The following VCL variants were observed in gnomAD, a reference collection of about 807,000 sequenced individuals.
VCL encodes epididymis luminal protein 114.
A neutral mutation model predicts 125.7 loss-of-function variants in VCL; 47 were observed. The ratio of observed to expected loss-of-function variants is 0.37; its 90% CI spans 0.30 to 0.48. The LOEUF (loss-of-function observed/expected upper bound fraction) is 0.48. Ranked by LOEUF, VCL falls within the 20% of genes least tolerant of loss-of-function variation. The pLI, the probability that VCL is intolerant of heterozygous loss-of-function variation, is 0.99. For synonymous variants in VCL, 458 were observed against 514.6 expected, an observed-to-expected ratio of 0.89 and a Z score of 1.49; for missense variants, 1,069 against 1,455.5, an observed-to-expected ratio of 0.73 and a Z score of 4.32.
intron 1 of VCL, among the ~76,000 whole-genome samples, chr10:74,026,654 A>C (rs1406500818): frequency 6.6e-6 from 1 of 152,234 alleles, no homozygotes; most frequent in East Asian, 1.9e-4. Context: ...GCCCTATTCT[A>C]GGTGATTTAC....
chr10:74,018,189 T>TATATATATATATATAA (rs1296797514), intron 1 of VCL, among the ~76,000 whole-genome samples: 3 of 138,806 alleles, frequency 2.2e-5, no homozygotes, highest in African/African-American at 7.8e-5. Flanking sequence ...TATATATATA[T>TATATATATATATATAA]ATATATATAT....
intron 1 of VCL, among the ~76,000 whole-genome samples, chr10:74,038,542 G>A (rs1448337557): frequency 6.6e-6 from 1 of 152,096 alleles, no homozygotes; most frequent in African/African-American, 2.4e-5. Context: ...GAGCAATCAT[G>A]GATACTATTG....
chr10:74,020,977 T>A (rs543819219), intron 1 of VCL, among the ~76,000 whole-genome samples: 39 of 152,226 alleles, frequency 2.6e-4, no homozygotes, highest in African/African-American at 9.1e-4. Context: ...ATTGTTTTAA[T>A]GAAAAACTTT....
chr10:74,107,478 T>G, intron 17 of VCL, 124 bp downstream of exon 17: 1 of 1,483,152 alleles, frequency 6.7e-7, no homozygotes, highest in South Asian at 1.2e-5. Flanking sequence ...ATTTGAAGCT[T>G]AGTGGGAGGC....
At chr10:74,001,917 A>G (rs1434675268) in intron 1 of VCL, among the ~76,000 whole-genome samples, 3 of 152,198 alleles carry the variant, frequency 2.0e-5, no homozygotes, top group Non-Finnish European at 4.4e-5. Context: ...TTTTGACTGA[A>G]GTAGGCATTC....
chr10:74,010,757 C>A (rs12356264), intron 1 of VCL, among the ~76,000 whole-genome samples: 1 of 152,200 alleles, frequency 6.6e-6, no homozygotes, highest in South Asian at 2.1e-4. Flanking sequence ...CCAAGACTTT[C>A]TCTGCCATCT....
At chr10:74,066,906 A>G (rs963520721) in intron 2 of VCL, among the ~76,000 whole-genome samples, 1 of 152,056 alleles carries the variant, frequency 6.6e-6, no homozygotes, top group African/African-American at 2.4e-5. Flanking sequence ...TCCTGACCTC[A>G]GTCCGCCCAC....
At chr10:74,046,367 C>T (rs775557456) in intron 2 of VCL, among the ~76,000 whole-genome samples, 3 of 152,148 alleles carry the variant, frequency 2.0e-5, no homozygotes, top group Non-Finnish European at 2.9e-5. Flanking sequence ...CTTGCCTCAC[C>T]CCGAGTCGCT....
rs149320779 is a variant in VCL, at chr10:74,087,958, G to A, written c.1023-1238G>A. Reference sequence around the variant, plus strand: ...ATTGCAACCACTGCCTCCCAAGATCGCGCCACTTCATTCCAGCCTGGAAAA... The same window carrying A: ...ATTGCAACCACTGCCTCCCAAGATCACGCCACTTCATTCCAGCCTGGAAAA... On this transcript the variant is annotated intron_variant, in intron 8 of 21. Coordinates refer to ENST00000211998, the MANE Select transcript of VCL (RefSeq NM_014000.3). 2.1e-4 allele frequency among the ~76,000 whole-genome samples: 32 copies of A among 152,196 alleles called. 1 individual carries two copies. The highest frequency in any genetic ancestry group is 6.7e-4 in the African/African-American group (28 of 41,544).
chr10:74,046,273 G>T (rs993530535), intron 2 of VCL, among the ~76,000 whole-genome samples: 1 of 152,050 alleles, frequency 6.6e-6, no homozygotes, highest in African/African-American at 2.4e-5. Context: ...TTTGAGACAG[G>T]CTCTCACTCT....
intron 2 of VCL, among the ~76,000 whole-genome samples, chr10:74,060,581 A>C: frequency 6.9e-6 from 1 of 144,682 alleles, no homozygotes; most frequent in East Asian, 2.0e-4. Flanking sequence ...GCTTGAGCCC[A>C]GGGAACGGAG....
intron 8 of VCL, among the ~76,000 whole-genome samples, chr10:74,086,965 A>G (rs1839788776): frequency 6.6e-6 from 1 of 152,218 alleles, no homozygotes; most frequent in Non-Finnish European, 1.5e-5. Context: ...TTGAATGAAA[A>G]AACTGTGTAG....
At chr10:74,000,912 G>C (rs912799445) in intron 1 of VCL, among the ~76,000 whole-genome samples, 1 of 152,238 alleles carries the variant, frequency 6.6e-6, no homozygotes, top group Non-Finnish European at 1.5e-5. Context: ...TGGGTTAGCA[G>C]AGACAAAGTA....
intron 4 of VCL, 131 bp from the exon 5 acceptor site, chr10:74,072,599 G>C: frequency 7.8e-7 from 1 of 1,276,378 alleles, no homozygotes; most frequent in Non-Finnish European, 1.1e-6. Context: ...TTCAGTGATG[G>C]TGTCTGTTGT....
At chr10:74,080,252 G>A (rs1197218003) in intron 6 of VCL, among the ~76,000 whole-genome samples, 6 of 152,134 alleles carry the variant, frequency 3.9e-5, no homozygotes, top group South Asian at 2.1e-4. Context: ...TGACAAGGCA[G>A]AGATTTGCTG....
rs528514236 is a variant in VCL at position 74,051,934 on chromosome 10, G to A, written c.239+8781G>A. On this transcript the variant is annotated intron_variant, in intron 2 of 21. Coordinates refer to ENST00000211998, the MANE Select transcript of VCL (RefSeq NM_014000.3). Reference sequence around the variant, plus strand: ...AGCAGCAGAGGCATTTCTGCTGGCGGAGCAGGGCTACCCTAGAGGCAGCGT... The same window carrying A: ...AGCAGCAGAGGCATTTCTGCTGGCGAAGCAGGGCTACCCTAGAGGCAGCGT... Among the ~76,000 whole-genome samples, 8 of 152,308 alleles carry A rather than the reference G, an allele frequency of 5.3e-5. 1 individual carries two copies. The highest frequency in any genetic ancestry group is 1.4e-4 in the African/African-American group (6 of 41,560).
intron 18 of VCL, 113 bp from the exon 19 acceptor site, chr10:74,111,796 T>C: frequency 7.3e-7 from 1 of 1,361,326 alleles, no homozygotes; most frequent in Non-Finnish European, 1.0e-6. Context: ...AACATGTTTC[T>C]TTCTCATCCT....
At chr10:74,007,125 A>C (rs545262110) in intron 1 of VCL, among the ~76,000 whole-genome samples, 1 of 152,072 alleles carries the variant, frequency 6.6e-6, no homozygotes, top group Non-Finnish European at 1.5e-5. Flanking sequence ...ATCATGCCCA[A>C]CTATTTTTGT....
Position 74,070,783 on chromosome 10 carries a change from G to T in VCL, c.353G>T (p.Gly118Val). The change falls in exon 3 of 22, where the codon GGA (glycine) becomes GTA (valine). Residue 118 changes from glycine (G) to valine (V), a missense_variant. Gly to Val is a moderately radical substitution (Grantham distance 109). Around this residue, in one of 6 missense-constraint regions of VCL, gnomAD observed 8 missense variants for 29.1 expected, o/e 0.28. Coordinates refer to ENST00000211998, the MANE Select transcript of VCL (RefSeq NM_014000.3). ...GATGGGTCAAGGGGCATCCTCTCTG[G>T]AACATCAGACCTGCTCCTTACCTTC... ...LIDGSRGILS[G>V]TSDLLLTFDE... 1 of 1,614,080 alleles carries T rather than the reference G, an allele frequency of 6.2e-7. No homozygotes were observed. Among genetic ancestry groups the T allele is most frequent in the Non-Finnish European group, 8.5e-7 (1 of 1,180,000 alleles).
Sources: gnomAD v4.1 joint callset for allele counts (sites outside exome capture counted in the v4.1 genomes callset) on GRCh38, gnomAD v4.1.1 for gene constraint, gnomAD v4.1.1 regional missense constraint, MANE v1.5 for transcripts, NCBI Gene and HGNC (gene_info 2026-07-23, HGNC 2026-07-21) for gene names.